The following ZZEF1 variants were observed in gnomAD, a reference collection of about 807,000 sequenced individuals.
ZZEF1 encodes zinc finger ZZ-type and EF-hand domain-containing protein 1.
A neutral mutation model predicts 342.8 loss-of-function variants in ZZEF1; 157 were observed. That is an observed-to-expected ratio of 0.46 (90% CI 0.40 to 0.52). The LOEUF (loss-of-function observed/expected upper bound fraction) is 0.52, where lower values mean the gene tolerates loss of function less well. Ranked by LOEUF, ZZEF1 falls within the 20% of genes least tolerant of loss-of-function variation. The pLI is 0.00. For missense variants in ZZEF1, 3,480 were observed against 3,725.6 expected (o/e 0.93, Z 1.72); for synonymous variants, 1,505 against 1,429.1 (o/e 1.05, Z -1.20).
At chr17:4,019,419 T>C (rs1048389493) in intron 46 of ZZEF1, among the ~76,000 whole-genome samples, 7 of 152,230 alleles carry the variant, frequency 4.6e-5, no homozygotes, top group Non-Finnish European at 8.8e-5. Context: ...TCTGTGTCTG[T>C]AAAATGAGTT....
At chr17:4,074,116 T>C (rs755969512) in intron 24 of ZZEF1, 34 bp downstream of exon 24, 1 of 1,608,230 alleles carries the variant, frequency 6.2e-7, no homozygotes, top group Non-Finnish European at 8.5e-7. Context: ...TCACCGTGGT[T>C]GTAAGAAGGG....
chr17:4,075,554 G>C, intron 21 of ZZEF1, 125 bp from the exon 22 acceptor site: 1 of 1,078,678 alleles, frequency 9.3e-7, no homozygotes, highest in Non-Finnish European at 1.3e-6. Flanking sequence ...CAAACCAGCA[G>C]GCAGGCTCGA....
At chr17:4,013,426 C>T in intron 52 of ZZEF1, 23 bp downstream of exon 52, 3 of 1,563,746 alleles carry the variant, frequency 1.9e-6, no homozygotes, top group East Asian at 4.7e-5. Context: ...TGGCAAAGGG[C>T]TGCCATCCGG....
At chr17:4,034,363 C>T (rs2056616034) in intron 39 of ZZEF1, 71 bp from the exon 40 acceptor site, 1 of 1,521,172 alleles carries the variant, frequency 6.6e-7, no homozygotes, top group Non-Finnish European at 9.0e-7. Context: ...TATTATATCT[C>T]CCTCCTACCT....
intron 8 of ZZEF1, among the ~76,000 whole-genome samples, chr17:4,103,043 C>T (rs1361964735): frequency 6.6e-6 from 1 of 152,060 alleles, no homozygotes; most frequent in East Asian, 1.9e-4. Flanking sequence ...TCCACTGCTC[C>T]CTGCCTGAAC....
In ZZEF1 at chr17:4,021,147, G is replaced by A; in HGVS notation, c.7386C>T (p.Pro2462=). The part of the protein sequence containing the change: ...KLDPLEGLDE[P]TRICFLMAHD... ...AACACACCAAGAAACATATTCTGGT[G>A]GGCTCATCCAGGCCCTCAAGGGGGT... Residue 2462 remains proline (P), a synonymous_variant, in exon 45 of 55, where the codon CCC becomes CCT. Transcript: ENST00000381638. 6.2e-7 allele frequency: 1 copy of A among 1,612,146 alleles called. No homozygotes were observed.
At chr17:4,047,096 G>A (rs919027718) in intron 37 of ZZEF1, among the ~76,000 whole-genome samples, 12 of 152,142 alleles carry the variant, frequency 7.9e-5, no homozygotes, top group East Asian at 1.9e-4. Context: ...TACCCTGGGC[G>A]CACCCGGCTG....
In ZZEF1 at chr17:4,050,923, A is replaced by G. The variant is rs1488510163; in HGVS notation, c.5721T>C (p.Ala1907=). The G allele has an allele frequency of 6.2e-7, 1 of 1,614,032 alleles. No homozygotes were observed. Among genetic ancestry groups the G allele is most frequent in the Non-Finnish European group, 8.5e-7 (1 of 1,180,030 alleles). ...NYSWLLFAAL[A]LYSAHLASAE... ...CACTGGCCAGGTGGGCGCTATAGAG[A>G]GCCAGGGCAGCAAAGAGCAGCCAGG... is the stretch of plus-strand genomic sequence containing the variant. The change falls in exon 36 of 55, where the codon GCT becomes GCC. Residue 1907 remains alanine (A), a synonymous_variant. Transcript: ENST00000381638.
At position 4,022,822 on chromosome 17, in the gene ZZEF1, C is replaced by A; in HGVS notation, c.7099G>T (p.Gly2367Cys). ...KGLYKTLKAHGFEEIRATFLQ... is the reference protein window; with the variant it reads ...KGLYKTLKAHCFEEIRATFLQ... Reference sequence around the variant, plus strand: ...AAAGTAGCACGGATCTCCTCAAAACCGTGAGCCTGCCAAGCAGAAGAAGAA... The same window carrying A: ...AAAGTAGCACGGATCTCCTCAAAACAGTGAGCCTGCCAAGCAGAAGAAGAA... Residue 2367 changes from glycine to cysteine, a missense_variant, in exon 44 of 55, where the codon GGT becomes TGT. Transcript: ENST00000381638. 6.2e-6 allele frequency: 10 copies of A among 1,613,634 alleles called. No homozygotes were observed. Among genetic ancestry groups the A allele is most frequent in the Non-Finnish European group, 8.5e-6 (10 of 1,179,894 alleles).
chr17:4,064,437 G>T lies in ZZEF1; in HGVS notation c.4642C>A (p.Pro1548Thr). 1.2e-6 allele frequency: 2 copies of T among 1,614,060 alleles called. No individual in the cohort carries two copies. Among genetic ancestry groups the T allele is most frequent in the Non-Finnish European group, 1.7e-6 (2 of 1,179,938 alleles). The stretch of plus-strand genomic sequence containing the variant: ...ACAGGGTATTTCTCTTTCACTGTGG[G>T]CACCAGTCTGGCCTCCTCCATGGAT... ...FRSMEEARLV[P>T]TVKEKYPVLK... Residue 1548 changes from proline to threonine, a missense_variant, in exon 29 of 55, where the codon CCC (proline) becomes ACC (threonine). By Grantham distance (38) the Pro-to-Thr change is conservative. Transcript: ENST00000381638.
intron 44 of ZZEF1, 61 bp from the exon 45 acceptor site, chr17:4,021,381 C>A (rs2056266156): frequency 8.1e-6 from 11 of 1,354,288 alleles, no homozygotes; most frequent in Non-Finnish European, 1.1e-5. Context: ...ATGGTACAGT[C>A]CTTTAATCAT....
chr17:4,055,791 C>T (rs940205845), intron 33 of ZZEF1, among the ~76,000 whole-genome samples: 11 of 152,174 alleles, frequency 7.2e-5, no homozygotes, highest in East Asian at 3.8e-4. Flanking sequence ...AAACACCAGA[C>T]GCTAGGGCAG....
At position 4,016,357 on chromosome 17, in the gene ZZEF1, G is replaced by A. The variant is rs775304997; in HGVS notation, c.8111C>T (p.Ser2704Leu). 4 of 1,614,098 alleles carry A rather than the reference G, an allele frequency of 2.5e-6. No homozygotes were observed. Among genetic ancestry groups the A allele is most frequent in the East Asian group, 2.2e-5 (1 of 44,882 alleles). Residue 2704 changes from serine (S) to leucine (L), a missense_variant, in exon 49 of 55, where the codon TCG becomes TTG. By Grantham distance (145) the Ser-to-Leu change is moderately radical. Transcript: ENST00000381638. This position sits in a 1 kb window ranked among gnomAD's most constrained non-coding sequence, Gnocchi z 4.4. ...EPGMEVQVRE[S>L]KHPYNNNTNF... ...GGTGTTGTTGTTATACGGGTGTTTCGACTCCCTCACTTGCACCTCCATTCC... is the reference window on the plus strand; with the variant it reads ...GGTGTTGTTGTTATACGGGTGTTTCAACTCCCTCACTTGCACCTCCATTCC...
At position 4,076,998 on chromosome 17, in the gene ZZEF1, A is replaced by C; in HGVS notation, c.2990-9T>G. The C allele has an allele frequency of 6.2e-7, 1 of 1,608,124 alleles. No homozygotes were observed. Among genetic ancestry groups the C allele is most frequent in the Non-Finnish European group, 8.5e-7 (1 of 1,177,766 alleles). The stretch of plus-strand genomic sequence containing the variant: ...CAGAAACTGGCCCACATCTACCGAA[A>C]CAAAGAAAATAATTAATATATTATA... On this transcript the variant is annotated splice_polypyrimidine_tract_variant and intron_variant, in intron 19 of 54. Transcript: ENST00000381638.
At position 4,101,688 on chromosome 17, in the gene ZZEF1, G is replaced by A. The variant is rs544027110; in HGVS notation, c.1672+629C>T. 1.2e-4 allele frequency among the ~76,000 whole-genome samples: 19 copies of A among 152,170 alleles called. No individual in the cohort carries two copies. The East Asian group carries it at 2.3e-3, about 19-fold the overall frequency. On this transcript the variant is annotated intron_variant, in intron 9 of 54. Transcript: ENST00000381638. ...GTCACCCAGGCTGGAAGGCAGTGGC[G>A]GGATCTCAGTTCACTGCAACCTCAA...
chr17:4,017,234 C>A lies in ZZEF1; in HGVS notation c.8001+137G>T. On this transcript the variant is annotated intron_variant, in intron 48 of 54. Transcript: ENST00000381638. The surrounding 1 kb of genome is among the most constrained non-coding windows in gnomAD (Gnocchi z 5.1). ...CTTGGGAGAGGATACAGTGACCCTA[C>A]CTTTGCTGCATTCACACCTGTCAGG... The A allele has an allele frequency of 8.0e-7, 1 of 1,252,712 alleles. No homozygotes were observed. 77.6% of individuals were successfully genotyped at this position (1,252,712 alleles called of 1,614,324 possible).
intron 39 of ZZEF1, among the ~76,000 whole-genome samples, chr17:4,040,271 AAAT>A (rs1305860918): frequency 6.6e-6 from 1 of 152,250 alleles, no homozygotes; most frequent in African/African-American, 2.4e-5. Context: ...GAATTAGAGT[AAAT>A]AATTCAGAAG....
At position 4,088,771 on chromosome 17, in the gene ZZEF1, A is replaced by G; in HGVS notation, c.2148T>C (p.Cys716=). 1 of 1,614,232 alleles carries G rather than the reference A, an allele frequency of 6.2e-7. No homozygotes were observed. Among genetic ancestry groups the G allele is most frequent in the Non-Finnish European group, 8.5e-7 (1 of 1,180,042 alleles). ...ARAEAEQSVT[C]AHCRKDTEES... ...CCTCTGTGTCCTTTCTGCAGTGTGC[A>G]CAGGTGACGCTCTGTTCTGCTTCTG... Residue 716 remains cysteine, a synonymous_variant, in exon 13 of 55, where the codon TGT becomes TGC. Coordinates refer to ENST00000381638, the MANE Select transcript of ZZEF1 (RefSeq NM_015113.4).
At position 4,085,788 on chromosome 17, in the gene ZZEF1, T is replaced by A. The variant is rs780239019; in HGVS notation, c.2528A>T (p.Asp843Val). The A allele has an allele frequency of 2.0e-5, 32 of 1,613,990 alleles. No homozygotes were observed. The African/African-American group carries it at 3.5e-4, about 18-fold the overall frequency. The change falls in exon 16 of 55, where the codon GAT (aspartate) becomes GTT (valine). Residue 843 changes from aspartate to valine, a missense_variant. Around this residue, in one of 5 missense-constraint regions of ZZEF1, gnomAD observed 1,528 missense variants for 1,624.1 expected, o/e 0.94. Transcript: ENST00000381638. The part of the protein sequence containing the change: ...THLCDVVDKV[D>V]GDSVPMEILK... ...TATCTCCATGGGCACAGAGTCTCCA[T>A]CCACCTTGTCCACCACTGATAAAAT...
Sources: gnomAD v4.1 joint callset for allele counts (sites outside exome capture counted in the v4.1 genomes callset) on GRCh38, gnomAD v4.1.1 for gene constraint, gnomAD v4.1.1 regional missense constraint, Gnocchi (gnomAD v3.1) non-coding constraint, MANE v1.5 for transcripts, NCBI Gene and HGNC (gene_info 2026-07-23, HGNC 2026-07-21) for gene names.